Variants in CLPTM1 observed in about 807,000 individuals in gnomAD.
CLPTM1 encodes putative lipid scramblase CLPTM1.
A neutral mutation model predicts 77.3 loss-of-function variants in CLPTM1; 21 were observed. The observed-to-expected ratio is 0.27, with a 90% confidence interval of 0.19 to 0.39. The LOEUF (loss-of-function observed/expected upper bound fraction) is 0.39. CLPTM1 is among the 10% of genes least tolerant of loss of function. The probability of loss-of-function intolerance (pLI) is 1.00; values close to 1 mark genes in which losing one functional copy is unlikely to be tolerated. For synonymous variants in CLPTM1, 373 were observed against 381.0 expected (o/e 0.98, Z 0.24); for missense variants, 642 against 921.2 (o/e 0.70, Z 3.92).
At chr19:44,973,795 A>T (rs2122281781) in intron 3 of CLPTM1, among the ~76,000 whole-genome samples, 1 of 118,644 alleles carries the variant, frequency 8.4e-6, no homozygotes, top group South Asian at 2.8e-4. Flanking sequence ...ATGGAGTCTC[A>T]CTCTGTCGCC....
chr19:44,985,356 G>A, intron 6 of CLPTM1, 53 bp downstream of exon 6: 7 of 1,262,042 alleles, frequency 5.5e-6, no homozygotes, highest in Non-Finnish European at 8.1e-6. Flanking sequence ...GCCATTCACA[G>A]CTCATCCCAG....
chr19:44,975,315 G>A (rs906242759), intron 4 of CLPTM1, among the ~76,000 whole-genome samples: 1 of 152,234 alleles, frequency 6.6e-6, no homozygotes, highest in African/African-American at 2.4e-5. Context: ...ATAAGGCTGG[G>A]GCTGCCTAGA....
Position 44,991,429 on chromosome 19 carries a change from A to G in CLPTM1, c.1555+56A>G. The G allele has an allele frequency of 1.9e-6, 3 of 1,589,100 alleles. No individual in the cohort carries two copies. The highest frequency in any genetic ancestry group is 2.6e-6 in the Non-Finnish European group (3 of 1,169,996). Reference sequence around the variant, plus strand: ...AGGCCCCATGCTGCGCAGGGCTCACAGCCCCAGTGTAGGAGACAGACCCAT... The same window carrying G: ...AGGCCCCATGCTGCGCAGGGCTCACGGCCCCAGTGTAGGAGACAGACCCAT... On this transcript the variant is annotated intron_variant, in intron 12 of 13. Coordinates refer to ENST00000337392, the MANE Select transcript of CLPTM1 (RefSeq NM_001294.4). This position sits in a 1 kb window ranked among gnomAD's most constrained non-coding sequence, Gnocchi z 5.4.
At chr19:44,966,284 G>A (rs142489546) in intron 2 of CLPTM1, among the ~76,000 whole-genome samples, 1,912 of 152,140 alleles carry the variant, frequency 0.013, 34 homozygotes, top group African/African-American at 0.044. Context: ...GGTGGCAGGC[G>A]CCTATAGTCC....
chr19:44,962,418 C>G (rs371682114), intron 2 of CLPTM1, among the ~76,000 whole-genome samples: 4 of 152,232 alleles, frequency 2.6e-5, no homozygotes, highest in African/African-American at 9.6e-5. Flanking sequence ...AATTCATTGT[C>G]TTACAGTTCT....
intron 2 of CLPTM1, among the ~76,000 whole-genome samples, chr19:44,970,743 C>T (rs962435071): frequency 6.9e-6 from 1 of 144,622 alleles, no homozygotes; most frequent in East Asian, 2.0e-4. Flanking sequence ...CAGATGTCCT[C>T]GGACACATGA....
At chr19:44,964,256 T>C (rs2122245999) in intron 2 of CLPTM1, among the ~76,000 whole-genome samples, 1 of 143,172 alleles carries the variant, frequency 7.0e-6, no homozygotes, top group Middle Eastern at 3.6e-3. Context: ...CATCTGCACA[T>C]AACATCAAAT....
rs752680864 is a variant in CLPTM1, at chr19:44,973,170, G to C, written c.269G>C (p.Arg90Pro). The change falls in exon 3 of 14, where the codon CGC (arginine) becomes CCC (proline). Residue 90 changes from arginine (R) to proline (P), a missense_variant. Physicochemically the swap from Arg to Pro is moderately radical, Grantham distance 103 (BLOSUM62 -2). This residue lies in a region of CLPTM1 where 521 missense variants were observed against 800.4 expected (regional missense o/e 0.65). Coordinates refer to ENST00000337392, the MANE Select transcript of CLPTM1 (RefSeq NM_001294.4). ...QDQAGPGGAP[R>P]VASRNLFPKD... ...CAGGCGGGCCCCGGAGGAGCTCCAC[G>C]CGTCGCCAGCCGCAACCTGTTCCCC... 2.5e-6 allele frequency: 4 copies of C among 1,613,846 alleles called. No homozygotes were observed. Among genetic ancestry groups the C allele is most frequent in the Non-Finnish European group, 3.4e-6 (4 of 1,179,928 alleles).
intron 1 of CLPTM1, among the ~76,000 whole-genome samples, chr19:44,960,019 C>G (rs1970520044): frequency 6.6e-6 from 1 of 152,156 alleles, no homozygotes. Context: ...TTCCTGACCC[C>G]AAATCAGCTC....
intron 1 of CLPTM1, among the ~76,000 whole-genome samples, chr19:44,958,386 CTT>C (rs1006303840): frequency 1.4e-5 from 2 of 145,262 alleles, no homozygotes; most frequent in Non-Finnish European, 3.0e-5. Context: ...AAGAGTGACT[CTT>C]TTTTTTTTTT....
At position 44,991,034 on chromosome 19, in the gene CLPTM1, A is replaced by T. The variant is rs1971066397; in HGVS notation, c.1419+89A>T. The T allele has an allele frequency of 2.3e-6, 3 of 1,329,232 alleles. No individual in the cohort carries two copies. In the Admixed American group the frequency reaches 5.6e-5, roughly 25 times the overall value. The allele number at this position is 1,329,232 out of a possible 1,614,324, so 82.3% of individuals were successfully genotyped here. Reference sequence around the variant, plus strand: ...CCGGGGCCGGCCATCTGTCTGCCGGACCCATGCTTTACAGCCTGTGCCACA... The same window carrying T: ...CCGGGGCCGGCCATCTGTCTGCCGGTCCCATGCTTTACAGCCTGTGCCACA... On this transcript the variant is annotated intron_variant, in intron 11 of 13. Coordinates refer to ENST00000337392, the MANE Select transcript of CLPTM1 (RefSeq NM_001294.4). The surrounding 1 kb of genome is among the most constrained non-coding windows in gnomAD (Gnocchi z 5.4).
chr19:44,954,867 T>TCAA, upstream of CLPTM1: 10 of 1,211,882 alleles, frequency 8.3e-6, no homozygotes, highest in Non-Finnish European at 9.0e-6. Flanking sequence ...ACGAAAGAGT[T>TCAA]GTCTTAGGAA....
intron 2 of CLPTM1, among the ~76,000 whole-genome samples, chr19:44,971,447 C>T (rs991900020): frequency 1.3e-5 from 2 of 152,144 alleles, no homozygotes; most frequent in Admixed American, 6.6e-5. Flanking sequence ...TTGGAACTAA[C>T]GTATCACTTA....
In CLPTM1 at chr19:44,992,317, A is replaced by C. The variant is rs778814856; in HGVS notation, c.1640A>C (p.Lys547Thr). 1 of 1,614,102 alleles carries C rather than the reference A, an allele frequency of 6.2e-7. No homozygotes were observed. Among genetic ancestry groups the C allele is most frequent in the South Asian group, 1.1e-5 (1 of 91,078 alleles). ...CTTCCCTGGCGCATGCTCACCTACA[A>C]GGCCCTCAACACATTCATCGACGAC... Reference protein sequence around the residue: ...AHLPWRMLTYKALNTFIDDLF... With the variant: ...AHLPWRMLTYTALNTFIDDLF... The change falls in exon 13 of 14, where the codon AAG (lysine) becomes ACG (threonine). Residue 547 changes from lysine to threonine, a missense_variant. Transcript: ENST00000337392. The surrounding 1 kb of genome is among the most constrained non-coding windows in gnomAD (Gnocchi z 7.7).
chr19:44,970,435 T>C (rs1970700067), intron 2 of CLPTM1, among the ~76,000 whole-genome samples: 1 of 142,320 alleles, frequency 7.0e-6, no homozygotes, highest in Non-Finnish European at 1.5e-5. Context: ...GGTCTCACTC[T>C]GTTGCCCAGG....
At chr19:44,983,106 A>G (rs1350078632) in intron 5 of CLPTM1, among the ~76,000 whole-genome samples, 1 of 151,744 alleles carries the variant, frequency 6.6e-6, no homozygotes, top group African/African-American at 2.4e-5. Context: ...AATAAGCAGT[A>G]GGCCCTGGGC....
chr19:44,973,771 T>G (rs10417638), intron 3 of CLPTM1, among the ~76,000 whole-genome samples: 3 of 30,898 alleles, frequency 9.7e-5, no homozygotes, highest in Non-Finnish European at 1.5e-4. Context: ...GTTTTTTTTT[T>G]TTTTTTTTTT....
intron 2 of CLPTM1, among the ~76,000 whole-genome samples, chr19:44,963,899 T>G (rs1337541021): frequency 6.6e-6 from 1 of 152,056 alleles, no homozygotes; most frequent in Non-Finnish European, 1.5e-5. Context: ...ATTACAGGCG[T>G]GAGCCACTGC....
At chr19:44,960,528 A>T (rs533192432) in intron 1 of CLPTM1, among the ~76,000 whole-genome samples, 3 of 152,190 alleles carry the variant, frequency 2.0e-5, no homozygotes, top group African/African-American at 7.2e-5. Context: ...AGCCCCTCCA[A>T]TGGTGTCCTG....
Sources: allele counts gnomAD v4.1 joint callset (sites outside exome capture counted in the v4.1 genomes callset), GRCh38; gene constraint gnomAD v4.1.1; regional missense constraint gnomAD v4.1.1; non-coding constraint Gnocchi (gnomAD v3.1); transcripts MANE v1.5; gene names NCBI Gene and HGNC (gene_info 2026-07-23, HGNC 2026-07-21).